PHLDB2: variants seen among roughly 807,000 people sequenced by gnomAD.
PHLDB2 encodes pleckstrin homology like domain family B member 2, also known as pleckstrin homology-like domain family B member 2.
PHLDB2 carries 71 observed loss-of-function variants against 123.6 expected under a neutral mutation model. The observed-to-expected ratio is 0.57, with a 90% CI of 0.47 to 0.70. PHLDB2 has a LOEUF of 0.70. PHLDB2 is among the 30% of genes least tolerant of loss of function. PHLDB2 has a pLI of 0.00. For missense variants in PHLDB2, 1,446 were observed against 1,519.5 expected (o/e 0.95, Z 0.80); for synonymous variants, 547 against 541.6 (o/e 1.01, Z -0.14).
At chr3:111,973,290 G>A (rs1335818243) in intron 16 of PHLDB2, among the ~76,000 whole-genome samples, 1 of 152,146 alleles carries the variant, frequency 6.6e-6, no homozygotes. Flanking sequence ...ATAAATATGG[G>A]TAGAAAATTA....
chr3:111,740,897 G>GT (rs1445484658), intron 1 of PHLDB2, among the ~76,000 whole-genome samples: 1 of 131,432 alleles, frequency 7.6e-6, no homozygotes, highest in African/African-American at 2.9e-5. Flanking sequence ...TGCCCATCAA[G>GT]TTAAAAAAAA....
intron 2 of PHLDB2, among the ~76,000 whole-genome samples, chr3:111,886,979 G>A (rs6767186): frequency 0.46 from 69,180 of 151,984 alleles, 16,628 homozygotes; most frequent in East Asian, 0.68. Context: ...ACTTCTATCC[G>A]ATAACTTATC....
intron 1 of PHLDB2, among the ~76,000 whole-genome samples, chr3:111,769,525 G>A (rs1049792862): frequency 6.6e-6 from 1 of 152,152 alleles, no homozygotes; most frequent in African/African-American, 2.4e-5. Flanking sequence ...TCAGGTGTTT[G>A]TTGGAGTCTG....
intron 1 of PHLDB2, among the ~76,000 whole-genome samples, chr3:111,828,850 A>C (rs2062796296): frequency 6.6e-6 from 1 of 152,190 alleles, no homozygotes; most frequent in African/African-American, 2.4e-5. Flanking sequence ...CAGTCAATTT[A>C]ATGAAACCTA....
chr3:111,822,384 CT>C (rs2062442849), intron 1 of PHLDB2, among the ~76,000 whole-genome samples: 1 of 150,090 alleles, frequency 6.7e-6, no homozygotes, highest in South Asian at 2.1e-4. Flanking sequence ...AACTGTTTTC[CT>C]TGTGAAAATG....
Position 111,967,755 on chromosome 3 carries a change from G to C in PHLDB2, c.3246G>C (p.Gln1082His). 1 of 1,613,060 alleles carries C rather than the reference G, an allele frequency of 6.2e-7. No individual in the cohort carries two copies. Among genetic ancestry groups the C allele is most frequent in the Non-Finnish European group, 8.5e-7 (1 of 1,179,628 alleles). Reference protein sequence around the residue: ...RRREILEKRLQEETSQRQKLI... With the variant: ...RRREILEKRLHEETSQRQKLI... ...GGGAAATCCTGGAAAAACGATTACA[G>C]GAAGAAACTAGCCAGAGGCAGAAGT... is the stretch of plus-strand genomic sequence containing the variant. Residue 1082 changes from glutamine to histidine, a missense_variant, in exon 15 of 18, where the codon CAG (glutamine) becomes CAC (histidine). This residue lies in a region of PHLDB2 where 594 missense variants were observed against 646.0 expected (regional missense o/e 0.92). Transcript: ENST00000431670.
At chr3:111,756,194 A>G (rs1471606752) in intron 1 of PHLDB2, among the ~76,000 whole-genome samples, 1 of 151,816 alleles carries the variant, frequency 6.6e-6, no homozygotes, top group East Asian at 1.9e-4. Context: ...GCTGAGTTCA[A>G]TTCCTGGGTA....
intron 13 of PHLDB2, among the ~76,000 whole-genome samples, chr3:111,966,353 C>T (rs554039243): frequency 6.6e-6 from 1 of 152,164 alleles, no homozygotes; most frequent in East Asian, 1.9e-4. Flanking sequence ...ATTTTGCTTG[C>T]CTATATTTTG....
At chr3:111,936,871 G>A (rs915382625) in intron 6 of PHLDB2, among the ~76,000 whole-genome samples, 3 of 152,166 alleles carry the variant, frequency 2.0e-5, no homozygotes, top group African/African-American at 7.2e-5. Context: ...TTGAGTGTAT[G>A]TGCTTATTAT....
At chr3:111,904,553 C>CATT (rs2067403329) in intron 2 of PHLDB2, among the ~76,000 whole-genome samples, 1 of 152,070 alleles carries the variant, frequency 6.6e-6, no homozygotes, top group African/African-American at 2.4e-5. Context: ...AAGTACTGAG[C>CATT]ATTAGCAGCT....
chr3:111,821,915 C>G (rs1036204096), intron 1 of PHLDB2, among the ~76,000 whole-genome samples: 2 of 152,180 alleles, frequency 1.3e-5, no homozygotes, highest in African/African-American at 4.8e-5. Context: ...CTCTAATGGT[C>G]TAATGGTCTG....
At chr3:111,963,349 G>A (rs564255244) in intron 13 of PHLDB2, among the ~76,000 whole-genome samples, 9 of 152,112 alleles carry the variant, frequency 5.9e-5, no homozygotes, top group Non-Finnish European at 1.0e-4. Context: ...ACAAAGTCAG[G>A]GCTTAGTAAG....
intron 1 of PHLDB2, among the ~76,000 whole-genome samples, chr3:111,772,884 G>A (rs2060202533): frequency 6.6e-6 from 1 of 152,156 alleles, no homozygotes; most frequent in South Asian, 2.1e-4. Flanking sequence ...AGGAGGGTTG[G>A]TGTGTATGAG....
chr3:111,967,914 C>A, intron 15 of PHLDB2, 90 bp downstream of exon 15: 1 of 1,170,460 alleles, frequency 8.5e-7, no homozygotes, highest in South Asian at 1.7e-5. Flanking sequence ...GGATGCTTTC[C>A]TGGGCACTGA....
chr3:111,851,120 A>G (rs1408445265), intron 2 of PHLDB2, among the ~76,000 whole-genome samples: 2 of 147,598 alleles, frequency 1.4e-5, no homozygotes, highest in African/African-American at 2.5e-5. Context: ...GCATGAACCC[A>G]TGAGGCAGAG....
chr3:111,887,338 A>G (rs533633647), intron 2 of PHLDB2, among the ~76,000 whole-genome samples: 1 of 152,334 alleles, frequency 6.6e-6, no homozygotes, highest in South Asian at 2.1e-4. Flanking sequence ...ATTTGTTGAA[A>G]TGAGGCTTAT....
rs765334658 is a variant in PHLDB2, at chr3:111,885,117, C to T, written c.1040C>T (p.Ser347Phe). ...VARKMLLAST[S>F]SCASDDFDQA... ...CGGAAGATGCTTCTGGCCTCCACCT[C>T]CTCCTGTGCCTCTGATGACTTTGAT... is the stretch of plus-strand genomic sequence containing the variant. Residue 347 changes from serine to phenylalanine, a missense_variant, in exon 2 of 18, where the codon TCC becomes TTC. By Grantham distance (155) the Ser-to-Phe change is radical. Transcript: ENST00000431670. 6.2e-7 allele frequency: 1 copy of T among 1,614,154 alleles called. No homozygotes were observed. The highest frequency in any genetic ancestry group is 8.5e-7 in the Non-Finnish European group (1 of 1,180,038).
chr3:111,829,675 G>A (rs985092050), intron 1 of PHLDB2, among the ~76,000 whole-genome samples: 1 of 151,648 alleles, frequency 6.6e-6, no homozygotes, highest in Non-Finnish European at 1.5e-5. Flanking sequence ...TGTTGGTCAG[G>A]GTGGTCTCGA....
intron 1 of PHLDB2, among the ~76,000 whole-genome samples, chr3:111,808,572 G>A (rs758369554): frequency 4.6e-5 from 7 of 151,792 alleles, no homozygotes; most frequent in Non-Finnish European, 1.0e-4. Context: ...GCGTGGTGCT[G>A]GGGTCTGGGA....
Sources: gnomAD v4.1 joint callset for allele counts (sites outside exome capture counted in the v4.1 genomes callset) on GRCh38, gnomAD v4.1.1 for gene constraint, gnomAD v4.1.1 regional missense constraint, MANE v1.5 for transcripts, NCBI Gene and HGNC (gene_info 2026-07-23, HGNC 2026-07-21) for gene names.